CYRIB: variants seen among roughly 807,000 people sequenced by gnomAD.
The protein encoded by CYRIB is CYFIP related Rac1 interactor B, also known as CYFIP-related Rac1 interactor B.
In CYRIB, 8 loss-of-function variants were observed where a neutral mutation model predicts 44.2. That is an observed-to-expected ratio of 0.18 (90% CI 0.11 to 0.33). CYRIB has a LOEUF of 0.33. Among genes scored for constraint, CYRIB ranks in the 10% least tolerant of loss-of-function variants. The pLI is 1.00. For missense variants in CYRIB, 185 were observed against 382.8 expected (o/e 0.48, Z 4.31); for synonymous variants, 131 against 127.2 (o/e 1.03, Z -0.20).
intron 1 of CYRIB, among the ~76,000 whole-genome samples, chr8:130,001,731 C>T (rs1395178589): frequency 1.3e-5 from 2 of 151,808 alleles, no homozygotes; most frequent in Non-Finnish European, 2.9e-5. Flanking sequence ...CTGCCCGCCT[C>T]GACTTCCAAA....
chr8:129,856,664 C>A (rs1871942), intron 5 of CYRIB, among the ~76,000 whole-genome samples: 2,806 of 152,156 alleles, frequency 0.018, 94 homozygotes, highest in African/African-American at 0.062. Flanking sequence ...TTTAAAAAAA[C>A]CCCAGTTTTC....
intron 7 of CYRIB, among the ~76,000 whole-genome samples, 173 bp from the exon 10 acceptor site, chr8:129,852,451 C>G (rs898433340): frequency 6.6e-6 from 1 of 151,894 alleles, no homozygotes; most frequent in Admixed American, 6.6e-5. Context: ...AAAAGATTAA[C>G]CTCTTCAAAA....
At chr8:129,988,532 T>C (rs2096542588) in intron 1 of CYRIB, among the ~76,000 whole-genome samples, 1 of 152,186 alleles carries the variant, frequency 6.6e-6, no homozygotes, top group African/African-American at 2.4e-5. Flanking sequence ...CAAGCCCACC[T>C]TATACCATAA....
intron 1 of CYRIB, among the ~76,000 whole-genome samples, chr8:129,992,453 A>C (rs1233973332): frequency 6.6e-6 from 1 of 152,190 alleles, no homozygotes; most frequent in Non-Finnish European, 1.5e-5. Context: ...GCGCTCACAA[A>C]GATAACAGAG....
intron 2 of CYRIB, among the ~76,000 whole-genome samples, chr8:129,946,740 C>T (rs1360939215): frequency 2.0e-5 from 3 of 152,224 alleles, no homozygotes; most frequent in Non-Finnish European, 4.4e-5. Context: ...TCCGGCACAT[C>T]TGCAAATCTA....
At chr8:129,854,204 A>C (rs1304922748) in intron 7 of CYRIB, 62 bp downstream of exon 9, 2 of 1,246,886 alleles carry the variant, frequency 1.6e-6, no homozygotes, top group Non-Finnish European at 1.2e-6. Context: ...CAAAATAATA[A>C]AATGAACAGG....
At chr8:129,910,137 A>G (rs1049536595) in intron 1 of CYRIB, among the ~76,000 whole-genome samples, 3 of 152,124 alleles carry the variant, frequency 2.0e-5, no homozygotes, top group Non-Finnish European at 2.9e-5. Flanking sequence ...TGTACCAGGC[A>G]ACTTACTGTA....
chr8:129,975,116 G>T (rs930826682), intron 1 of CYRIB, among the ~76,000 whole-genome samples: 1 of 151,890 alleles, frequency 6.6e-6, no homozygotes, highest in African/African-American at 2.4e-5. Flanking sequence ...CCTGACCTCA[G>T]AATCCGCCCA....
chr8:129,887,133 A>C (rs970987073), intron 2 of CYRIB, among the ~76,000 whole-genome samples: 1 of 152,150 alleles, frequency 6.6e-6, no homozygotes, highest in African/African-American at 2.4e-5. Context: ...CCACAGACTC[A>C]GAGGCCAAGA....
chr8:130,000,516 A>C (rs147000347), intron 1 of CYRIB, among the ~76,000 whole-genome samples: 3,975 of 151,870 alleles, frequency 0.026, 74 homozygotes, highest in Non-Finnish European at 0.038. Flanking sequence ...AACACAGTGA[A>C]ACCCCATCTC....
intron 2 of CYRIB, among the ~76,000 whole-genome samples, chr8:129,902,349 G>C (rs2072648802): frequency 6.6e-6 from 1 of 152,210 alleles, no homozygotes; most frequent in African/African-American, 2.4e-5. Context: ...CACCCAAGTA[G>C]CTGGGACTAC....
intron 2 of CYRIB, among the ~76,000 whole-genome samples, chr8:129,960,401 C>G (rs2095172113): frequency 6.6e-6 from 1 of 151,994 alleles, no homozygotes. Context: ...TTGAGACCAG[C>G]CTGGCCAACA....
intron 1 of CYRIB, among the ~76,000 whole-genome samples, chr8:129,911,529 C>T (rs1210558329): frequency 2.0e-5 from 3 of 151,956 alleles, no homozygotes; most frequent in Non-Finnish European, 4.4e-5. Context: ...CGGCCGGACG[C>T]GGTGGCTCAC....
At chr8:129,984,077 T>A (rs1402409157) in intron 1 of CYRIB, among the ~76,000 whole-genome samples, 1 of 152,238 alleles carries the variant, frequency 6.6e-6, no homozygotes, top group Non-Finnish European at 1.5e-5. Context: ...TTCCTCTGAA[T>A]GCCTGAGGAG....
chr8:129,861,186 G>A (rs1343703342), intron 5 of CYRIB, among the ~76,000 whole-genome samples: 1 of 152,104 alleles, frequency 6.6e-6, no homozygotes, highest in Non-Finnish European at 1.5e-5. Context: ...CCTCTCCTGT[G>A]TCTATTCACT....
chr8:129,910,328 T>G (rs976803996), intron 1 of CYRIB, among the ~76,000 whole-genome samples: 1 of 152,188 alleles, frequency 6.6e-6, no homozygotes, highest in African/African-American at 2.4e-5. Context: ...TATATCTTTG[T>G]TGAAATAACT....
chr8:129,982,414 C>T (rs760101598), intron 1 of CYRIB, among the ~76,000 whole-genome samples: 7 of 151,822 alleles, frequency 4.6e-5, no homozygotes, highest in Non-Finnish European at 1.0e-4. Context: ...TTTAACTAAC[C>T]GAAACATAAA....
intron 3 of CYRIB, among the ~76,000 whole-genome samples, chr8:129,875,865 G>A (rs2058926861): frequency 6.6e-6 from 1 of 152,124 alleles, no homozygotes; most frequent in Admixed American, 6.5e-5. Context: ...TGTAATCCCA[G>A]CACTTTGGGA....
intron 5 of CYRIB, among the ~76,000 whole-genome samples, chr8:129,861,319 T>C (rs552991301): frequency 1.3e-5 from 2 of 152,368 alleles, no homozygotes; most frequent in Non-Finnish European, 2.9e-5. Context: ...CTTACTCATA[T>C]TGAAGACACA....
Sources: allele counts gnomAD v4.1 joint callset (sites outside exome capture counted in the v4.1 genomes callset), GRCh38; gene constraint gnomAD v4.1.1; transcripts MANE v1.5; gene names NCBI Gene and HGNC (gene_info 2026-07-23, HGNC 2026-07-21).